ZNF550: variants seen among roughly 807,000 people sequenced by gnomAD.
ZNF550 encodes zinc finger protein 550.
A neutral mutation model predicts 40.2 loss-of-function variants in ZNF550; 42 were observed. That is an observed-to-expected ratio of 1.05 (90% CI 0.82 to 1.35). ZNF550 has a LOEUF of 1.35. Among genes scored for constraint, ZNF550 ranks in the 40% most tolerant of loss-of-function variants. ZNF550 has a pLI of 0.00. For missense variants in ZNF550, 549 were observed against 525.2 expected (o/e 1.05, Z -0.44); for synonymous variants, 223 against 198.6 (o/e 1.12, Z -1.03).
intron 1 of ZNF550, 26 bp downstream of exon 1, chr19:57,559,630 G>C (rs1418974923): frequency 6.8e-7 from 1 of 1,469,770 alleles, no homozygotes; most frequent in African/African-American, 1.4e-5. Context: ...CCGGGTGGCC[G>C]CGGGGAGCCG....
In ZNF550 at chr19:57,554,586, AAGAC is replaced by A. The variant is rs1484530182; in HGVS notation, c.154+1641_154+1644del. On this transcript the variant is annotated intron_variant, in intron 2 of 4. Transcript: ENST00000457177. This position sits in a 1 kb window ranked among gnomAD's most constrained non-coding sequence, Gnocchi z 4.5. ...GCTTTCCACTAGATGTGGTGAGTAAAAGACAGGAGGATTCTGTATAGAAGACCAA... is the reference window on the plus strand; with the variant it reads ...GCTTTCCACTAGATGTGGTGAGTAAAAGGAGGATTCTGTATAGAAGACCAA... 6.6e-6 allele frequency: 1 copy of A among 152,206 alleles called. No homozygotes were observed. The highest frequency in any genetic ancestry group is 1.5e-5 in the Non-Finnish European group (1 of 68,038). The allele number at this position is 152,206 out of a possible 1,614,324, so 9.4% of individuals were successfully genotyped here.
chr19:57,550,016 G>A (rs2090058881), intron 3 of ZNF550, among the ~76,000 whole-genome samples: 1 of 152,198 alleles, frequency 6.6e-6, no homozygotes, highest in Non-Finnish European at 1.5e-5. Flanking sequence ...AGTTCTTGAT[G>A]CAGCGCAAGT....
In ZNF550 at chr19:57,547,961, T is replaced by C. The variant is rs760080376; in HGVS notation, c.283A>G (p.Thr95Ala). The C allele has an allele frequency of 3.1e-6, 5 of 1,613,626 alleles. No individual in the cohort carries two copies. In the African/African-American group the frequency reaches 5.3e-5, roughly 17 times the overall value. The stretch of plus-strand genomic sequence containing the variant: ...TCAGATAAGACTGGCGGGTAAGTGG[T>C]TGGCTCTCTGGTATGAACTTGTGCT... Residue 95 changes from threonine to alanine, a missense_variant, in exon 4 of 5, where the codon ACC becomes GCC. Physicochemically the swap from Thr to Ala is moderately conservative, Grantham distance 58 (BLOSUM62 0). Coordinates refer to ENST00000457177, the Ensembl canonical transcript of ZNF550.
chr19:57,547,086 G>C, exon 4 of ZNF550: 1 of 1,613,852 alleles, frequency 6.2e-7, no homozygotes, highest in Non-Finnish European at 8.5e-7. Flanking sequence ...AGTGCTGAAT[G>C]AGGTACGTGC....
chr19:57,545,706 A>G (rs2090002456), intron 4 of ZNF550, among the ~76,000 whole-genome samples: 2 of 152,006 alleles, frequency 1.3e-5, no homozygotes, highest in African/African-American at 4.8e-5. Context: ...ACACAGCAAG[A>G]CCTCATCTAT....
intron 4 of ZNF550, chr19:57,544,112 A>G (rs1247592955): frequency 2.0e-6 from 2 of 985,346 alleles, no homozygotes; most frequent in East Asian, 1.1e-4. Context: ...TTAGACAGTA[A>G]GTTCCTTCCC....
At chr19:57,547,653 A>G (rs764993638) in exon 4 of ZNF550, 10 of 1,614,086 alleles carry the variant, frequency 6.2e-6, no homozygotes, top group African/African-American at 1.3e-5. Flanking sequence ...TTGTCCCTGC[A>G]TGAATCAAGG....
chr19:57,542,800 C>G (rs2089972940), exon 5 of ZNF550: 1 of 152,184 alleles, frequency 6.6e-6, no homozygotes, highest in Non-Finnish European at 1.5e-5. Flanking sequence ...ACATCGTCTT[C>G]CCTCTGTACA....
At chr19:57,553,004 TA>T (rs1211621013) in intron 2 of ZNF550, 1 of 309,768 alleles carries the variant, frequency 3.2e-6, no homozygotes, top group Non-Finnish European at 5.9e-6. Context: ...GGTGGAGCCT[TA>T]ATCTGATAAA....
At chr19:57,560,689 G>T (rs2090160812), upstream of ZNF550, among the ~76,000 whole-genome samples, 1 of 152,068 alleles carries the variant, frequency 6.6e-6, no homozygotes, top group Non-Finnish European at 1.5e-5. Context: ...TAGAATTGGG[G>T]TGCCAACCAT....
upstream of ZNF550, among the ~76,000 whole-genome samples, chr19:57,560,067 G>A (rs1024533024): frequency 6.6e-6 from 1 of 152,144 alleles, no homozygotes; most frequent in African/African-American, 2.4e-5. Flanking sequence ...CTATTATTCG[G>A]ATGCCTCAAC....
intron 3 of ZNF550, among the ~76,000 whole-genome samples, chr19:57,551,090 T>C (rs2090069006): frequency 6.6e-6 from 1 of 152,074 alleles, no homozygotes; most frequent in Non-Finnish European, 1.5e-5. Context: ...AAAAAGCAAG[T>C]TCCCTGAGAA....
At chr19:57,556,258 C>G in exon 2 of ZNF550, 1 of 1,614,138 alleles carries the variant, frequency 6.2e-7, no homozygotes, top group Non-Finnish European at 8.5e-7. Flanking sequence ...CCACAGGTCT[C>G]CAGCATCACC....
At chr19:57,549,562 G>A (rs948069186) in intron 3 of ZNF550, among the ~76,000 whole-genome samples, 44 of 152,164 alleles carry the variant, frequency 2.9e-4, no homozygotes, top group African/African-American at 9.9e-4. Context: ...TTCTAGAGGA[G>A]GTGTCCCATA....
At chr19:57,547,813 G>C (rs75496843) in exon 4 of ZNF550, 2 of 1,614,066 alleles carry the variant, frequency 1.2e-6, no homozygotes, top group Non-Finnish European at 1.7e-6. Flanking sequence ...GTGGAGGTCT[G>C]TCTCCGGTGT....
exon 5 of ZNF550, chr19:57,542,937 G>T (rs2089974128): frequency 6.6e-6 from 1 of 152,010 alleles, no homozygotes; most frequent in Non-Finnish European, 1.5e-5. Context: ...CATCTTTTTT[G>T]GAGACACAAA....
Position 57,559,742 on chromosome 19 carries a change from C to G in ZNF550, c.-60G>C, listed in dbSNP as rs921878110. On this transcript the variant is annotated 5_prime_UTR_variant, in exon 1 of 5. Coordinates refer to ENST00000457177, the Ensembl canonical transcript of ZNF550. ...CTCCCACGGGCTCAAAACCCTACCC[C>G]GGGTCCTACAACGGTGCGGAGGTGA... 1.9e-5 allele frequency: 27 copies of G among 1,408,220 alleles called. 1 individual carries two copies. In the South Asian group the frequency reaches 3.7e-4, roughly 19 times the overall value. The allele number at this position is 1,408,220 out of a possible 1,614,324, so 87.2% of individuals were successfully genotyped here.
At chr19:57,547,016 G>T in exon 4 of ZNF550, 2 of 1,613,470 alleles carry the variant, frequency 1.2e-6, no homozygotes, top group Non-Finnish European at 1.7e-6. Flanking sequence ...TGTGACCTGC[G>T]TTTGAAGGCC....
chr19:57,545,396 C>A (rs2089999561), intron 4 of ZNF550, among the ~76,000 whole-genome samples: 1 of 152,012 alleles, frequency 6.6e-6, no homozygotes. Flanking sequence ...ATAATTCAAT[C>A]CCTAGAAAAA....
Sources: gnomAD v4.1 joint callset for allele counts (sites outside exome capture counted in the v4.1 genomes callset) on GRCh38, gnomAD v4.1.1 for gene constraint, Gnocchi (gnomAD v3.1) non-coding constraint, MANE v1.5 for transcripts, NCBI Gene and HGNC (gene_info 2026-07-23, HGNC 2026-07-21) for gene names.